Variants in CHCHD3 observed in about 807,000 individuals in gnomAD.
CHCHD3 encodes MICOS complex subunit MIC19.
CHCHD3 carries 20 observed loss-of-function variants against 38.2 expected under a neutral mutation model. That is an observed-to-expected ratio of 0.52 (90% CI 0.37 to 0.76). The LOEUF (loss-of-function observed/expected upper bound fraction) is 0.76. CHCHD3 is among the 30% of genes least tolerant of loss of function. The pLI is 0.00. For synonymous variants in CHCHD3, 82 were observed against 100.0 expected (o/e 0.82, Z 1.07); for missense variants, 245 against 279.2 (o/e 0.88, Z 0.87).
intron 6 of CHCHD3, among the ~76,000 whole-genome samples, chr7:132,828,285 T>C (rs932072675): frequency 6.6e-6 from 1 of 152,174 alleles, no homozygotes; most frequent in African/African-American, 2.4e-5. Flanking sequence ...CAATTAGTAT[T>C]GTCAGTCTTC....
chr7:132,896,630 G>T (rs749534222), intron 4 of CHCHD3, among the ~76,000 whole-genome samples: 3 of 152,050 alleles, frequency 2.0e-5, no homozygotes, highest in Non-Finnish European at 4.4e-5. Flanking sequence ...GAATGGCTAG[G>T]GTTTCAGAAT....
At chr7:132,951,308 T>TA (rs781592100) in intron 4 of CHCHD3, among the ~76,000 whole-genome samples, 2 of 152,042 alleles carry the variant, frequency 1.3e-5, no homozygotes, top group Admixed American at 6.6e-5. Flanking sequence ...AATCAAGAAA[T>TA]AGAGTCCCTG....
intron 5 of CHCHD3, among the ~76,000 whole-genome samples, chr7:132,862,794 C>A (rs1448947704): frequency 2.0e-5 from 3 of 152,320 alleles, no homozygotes; most frequent in South Asian, 2.1e-4. Context: ...GCAATATTCA[C>A]ATCATCTTTA....
intron 4 of CHCHD3, among the ~76,000 whole-genome samples, chr7:132,886,398 GTTCTT>G (rs1809211436): frequency 6.6e-6 from 1 of 151,200 alleles, no homozygotes; most frequent in Non-Finnish European, 1.5e-5. Flanking sequence ...AATATTTTTG[GTTCTT>G]TAAACAATGA....
chr7:132,914,878 G>A (rs963214671), intron 4 of CHCHD3, among the ~76,000 whole-genome samples: 1 of 152,164 alleles, frequency 6.6e-6, no homozygotes, highest in Non-Finnish European at 1.5e-5. Flanking sequence ...GTTCAACAAA[G>A]AGGCTAGGCG....
intron 4 of CHCHD3, among the ~76,000 whole-genome samples, chr7:132,955,298 A>G (rs1054486555): frequency 6.6e-6 from 1 of 151,732 alleles, no homozygotes; most frequent in Admixed American, 6.6e-5. Context: ...CATGGTCGTG[A>G]ACAAAGCAAA....
intron 3 of CHCHD3, among the ~76,000 whole-genome samples, chr7:133,012,797 G>T (rs1812913181): frequency 7.6e-6 from 1 of 130,962 alleles, no homozygotes; most frequent in African/African-American, 2.9e-5. Flanking sequence ...GAGGGGAGGG[G>T]AGGGGAGGGG....
intron 2 of CHCHD3, among the ~76,000 whole-genome samples, chr7:133,025,038 TAAAC>T (rs899163112): frequency 7.5e-4 from 115 of 152,344 alleles, no homozygotes; most frequent in African/African-American, 2.6e-3. Flanking sequence ...TTTCAATAAT[TAAAC>T]AACTAACAAA....
At chr7:132,790,750 CG>C (rs1563235906) in intron 7 of CHCHD3, among the ~76,000 whole-genome samples, 1 of 152,094 alleles carries the variant, frequency 6.6e-6, no homozygotes, top group Non-Finnish European at 1.5e-5. Flanking sequence ...CCGTGTACAT[CG>C]GGGGGACCCT....
At chr7:133,003,190 T>C (rs751320799) in intron 3 of CHCHD3, among the ~76,000 whole-genome samples, 1 of 152,144 alleles carries the variant, frequency 6.6e-6, no homozygotes, top group Non-Finnish European at 1.5e-5. Flanking sequence ...TCAGAGACAA[T>C]GTGAAACACG....
chr7:132,907,337 A>G (rs531579510), intron 4 of CHCHD3, among the ~76,000 whole-genome samples: 1 of 152,342 alleles, frequency 6.6e-6, no homozygotes, highest in South Asian at 2.1e-4. Flanking sequence ...ATTGGGGTAG[A>G]GGGCAGTGCA....
chr7:132,880,068 T>C (rs545220943), intron 5 of CHCHD3, among the ~76,000 whole-genome samples: 2 of 152,276 alleles, frequency 1.3e-5, no homozygotes, highest in Non-Finnish European at 2.9e-5. Flanking sequence ...AATCAAATCA[T>C]AACGTCAGGA....
intron 3 of CHCHD3, among the ~76,000 whole-genome samples, chr7:133,016,337 T>C (rs1813029867): frequency 1.3e-5 from 2 of 152,214 alleles, no homozygotes; most frequent in African/African-American, 4.8e-5. Flanking sequence ...GTTGGGCATA[T>C]GGATCCTATG....
chr7:132,787,618 C>G (rs1021116361), intron 7 of CHCHD3, among the ~76,000 whole-genome samples: 1 of 152,022 alleles, frequency 6.6e-6, no homozygotes, highest in African/African-American at 2.4e-5. Flanking sequence ...GGTCAAAGGT[C>G]TCTAGACACA....
At chr7:132,885,053 A>T (rs2117174426) in intron 5 of CHCHD3, among the ~76,000 whole-genome samples, 2 of 152,282 alleles carry the variant, frequency 1.3e-5, no homozygotes, top group South Asian at 4.1e-4. Flanking sequence ...GGAGCTCAAG[A>T]CCAGCATGGC....
At chr7:132,910,693 C>G (rs1055974965) in intron 4 of CHCHD3, among the ~76,000 whole-genome samples, 1 of 152,170 alleles carries the variant, frequency 6.6e-6, no homozygotes, top group African/African-American at 2.4e-5. Flanking sequence ...CACAGCAGCA[C>G]GTTACAGATC....
intron 6 of CHCHD3, among the ~76,000 whole-genome samples, chr7:132,797,668 G>A (rs1806654894): frequency 6.6e-6 from 1 of 152,166 alleles, no homozygotes; most frequent in Non-Finnish European, 1.5e-5. Flanking sequence ...TTAAAATTTT[G>A]CTACTTATAC....
intron 3 of CHCHD3, chr7:133,022,409 A>G (rs1813207845): frequency 2.2e-6 from 1 of 456,622 alleles, no homozygotes; most frequent in African/African-American, 2.0e-5. Flanking sequence ...TACATACAAT[A>G]ACGTATACAT....
At chr7:132,865,525 G>A (rs1235121748) in intron 5 of CHCHD3, among the ~76,000 whole-genome samples, 3 of 152,122 alleles carry the variant, frequency 2.0e-5, no homozygotes, top group African/African-American at 7.2e-5. Context: ...TGGAGGTGGT[G>A]AATACAGATC....
Sources: allele counts gnomAD v4.1 joint callset (sites outside exome capture counted in the v4.1 genomes callset), GRCh38; gene constraint gnomAD v4.1.1; transcripts MANE v1.5; gene names NCBI Gene and HGNC (gene_info 2026-07-23, HGNC 2026-07-21).